The following TMEM131 variants were observed in gnomAD, a reference collection of about 807,000 sequenced individuals.
TMEM131 encodes the protein transmembrane protein 131.
TMEM131 carries 66 observed loss-of-function variants against 211.6 expected under a neutral mutation model. The observed-to-expected ratio is 0.31, with a 90% CI of 0.26 to 0.38. The LOEUF is 0.38. Among genes scored for constraint, TMEM131 ranks in the 10% least tolerant of loss-of-function variants. TMEM131 has a pLI of 1.00. For missense variants in TMEM131, 2,036 were observed against 2,299.3 expected (o/e 0.89, Z 2.34); for synonymous variants, 844 against 841.3 (o/e 1.00, Z -0.06).
chr2:97,774,341 A>G (rs1679611768), intron 32 of TMEM131, among the ~76,000 whole-genome samples: 1 of 152,274 alleles, frequency 6.6e-6, no homozygotes, highest in African/African-American at 2.4e-5. Context: ...TGGGTAGAAC[A>G]GAATTGGAGA....
At chr2:97,773,321 G>A (rs567129621) in intron 32 of TMEM131, among the ~76,000 whole-genome samples, 5 of 152,328 alleles carry the variant, frequency 3.3e-5, no homozygotes, top group Admixed American at 1.3e-4. Context: ...ATTACCAAGA[G>A]GGCCCAGTTT....
At chr2:97,907,999 T>C (rs1315113633) in intron 3 of TMEM131, among the ~76,000 whole-genome samples, 2 of 152,108 alleles carry the variant, frequency 1.3e-5, no homozygotes, top group African/African-American at 4.8e-5. Context: ...GAGGGACTGT[T>C]TTATCCAACT....
intron 8 of TMEM131, among the ~76,000 whole-genome samples, chr2:97,835,537 G>A (rs1682899102): frequency 6.6e-6 from 1 of 152,216 alleles, no homozygotes; most frequent in African/African-American, 2.4e-5. Flanking sequence ...AAAATTTTGA[G>A]GAGTAATCTC....
chr2:97,843,693 C>G (rs1453475038), intron 6 of TMEM131, among the ~76,000 whole-genome samples: 1 of 152,096 alleles, frequency 6.6e-6, no homozygotes. Context: ...GGCTGATATA[C>G]AAAAAGATTT....
intron 1 of TMEM131, among the ~76,000 whole-genome samples, chr2:97,957,717 G>A (rs1182789876): frequency 6.6e-6 from 1 of 152,148 alleles, no homozygotes; most frequent in Non-Finnish European, 1.5e-5. Context: ...GAAAACATGC[G>A]GGAAAGCTTA....
In TMEM131 at chr2:97,758,943, G is replaced by A; in HGVS notation, c.5317C>T (p.Pro1773Ser). The change falls in exon 40 of 41, where the codon CCC (proline) becomes TCC (serine). Residue 1773 changes from proline (P) to serine (S), a missense_variant. Physicochemically the swap from Pro to Ser is moderately conservative, Grantham distance 74. This residue lies in a region of TMEM131 where 1,623 missense variants were observed against 1,805.9 expected (regional missense o/e 0.90). Transcript: ENST00000186436. ...GAACTGGCTGGCCAGGAAGGACTGG[G>A]ATCTGTCGCTGGCGACTCCCAAAGG... ...SYLWESPATD[P>S]SPSWPASSGS... 6.2e-7 allele frequency: 1 copy of A among 1,614,032 alleles called. No individual in the cohort carries two copies. The highest frequency in any genetic ancestry group is 8.5e-7 in the Non-Finnish European group (1 of 1,179,884).
In TMEM131 at chr2:97,759,745, C is replaced by A. The variant is rs1413522964; in HGVS notation, c.5113G>T (p.Gly1705Cys). ...PVDSDGSDSS[G>C]LWSPVSNPSS... Reference sequence around the variant, plus strand: ...GGGTTGCTGACGGGACTCCACAAACCCGAGCTAAATGTTACAAGAGGAAAA... The same window carrying A: ...GGGTTGCTGACGGGACTCCACAAACACGAGCTAAATGTTACAAGAGGAAAA... Residue 1705 changes from glycine to cysteine, a missense_variant, in exon 39 of 41, where the codon GGT (glycine) becomes TGT (cysteine). Gly to Cys is a radical substitution (Grantham distance 159, BLOSUM62 -3). This residue lies in a region of TMEM131 where 1,623 missense variants were observed against 1,805.9 expected (regional missense o/e 0.90). Coordinates refer to ENST00000186436, the MANE Select transcript of TMEM131 (RefSeq NM_015348.2). 6.2e-7 allele frequency: 1 copy of A among 1,611,834 alleles called. No individual in the cohort carries two copies. Among genetic ancestry groups the A allele is most frequent in the Non-Finnish European group, 8.5e-7 (1 of 1,179,002 alleles).
At position 97,796,999 on chromosome 2, in the gene TMEM131, G is replaced by A. The variant is rs760427949; in HGVS notation, c.2871-13C>T. 20 of 1,600,730 alleles carry A rather than the reference G, an allele frequency of 1.2e-5. No homozygotes were observed. Among genetic ancestry groups the A allele is most frequent in the African/African-American group, 2.7e-5 (2 of 74,426 alleles). Reference sequence around the variant, plus strand: ...AGTCAGGTTATTTCTATGCAAGAATGAGAATTACAGATTTTTCTCTCATTA... The same window carrying A: ...AGTCAGGTTATTTCTATGCAAGAATAAGAATTACAGATTTTTCTCTCATTA... On this transcript the variant is annotated splice_polypyrimidine_tract_variant and intron_variant, in intron 26 of 40. Transcript: ENST00000186436.
At chr2:97,785,546 A>T (rs1489793889) in intron 31 of TMEM131, among the ~76,000 whole-genome samples, 1 of 152,240 alleles carries the variant, frequency 6.6e-6, no homozygotes, top group Non-Finnish European at 1.5e-5. Context: ...GAGAACCTGG[A>T]TCACTCCTAC....
intron 12 of TMEM131, 136 bp from the exon 13 acceptor site, chr2:97,815,443 C>T (rs370113715): frequency 1.1e-4 from 58 of 511,836 alleles, no homozygotes; most frequent in East Asian, 1.0e-3. Flanking sequence ...CTTTTTATAA[C>T]ATTTTAAATG....
intron 1 of TMEM131, among the ~76,000 whole-genome samples, chr2:97,941,219 G>T (rs554035078): frequency 6.6e-6 from 1 of 152,252 alleles, no homozygotes; most frequent in South Asian, 2.1e-4. Context: ...AACAAGAAAT[G>T]GGGAAAGGAT....
chr2:97,772,677 C>A (rs1679524324), intron 32 of TMEM131, among the ~76,000 whole-genome samples: 1 of 152,180 alleles, frequency 6.6e-6, no homozygotes, highest in Non-Finnish European at 1.5e-5. Flanking sequence ...AGGTGGATTG[C>A]CTGAGCTCAG....
chr2:97,794,862 C>G, intron 29 of TMEM131, 68 bp downstream of exon 29: 1 of 1,345,916 alleles, frequency 7.4e-7, no homozygotes, highest in Non-Finnish European at 1.0e-6. Flanking sequence ...GTGGCTGGCA[C>G]ACAGTGGGCA....
intron 4 of TMEM131, among the ~76,000 whole-genome samples, chr2:97,885,194 T>C (rs1391779002): frequency 1.3e-5 from 2 of 152,204 alleles, no homozygotes; most frequent in South Asian, 2.1e-4. Context: ...TTTCTCCTTG[T>C]TTGTGAAAGA....
chr2:97,773,177 C>T (rs184192420), intron 32 of TMEM131, among the ~76,000 whole-genome samples: 2 of 152,330 alleles, frequency 1.3e-5, no homozygotes, highest in African/African-American at 2.4e-5. Flanking sequence ...GGGCCATGCT[C>T]GCCTGCCTGC....
At chr2:97,884,513 T>G (rs1009004102) in intron 4 of TMEM131, among the ~76,000 whole-genome samples, 2 of 152,182 alleles carry the variant, frequency 1.3e-5, no homozygotes, top group African/African-American at 2.4e-5. Flanking sequence ...ATGCTGAGAG[T>G]GGACTGCTGA....
At chr2:97,907,226 A>C (rs562321978) in intron 3 of TMEM131, 1 of 152,340 alleles carries the variant, frequency 6.6e-6, no homozygotes, top group South Asian at 2.1e-4. Context: ...TGCCAGTGTT[A>C]AATATTTGGG....
intron 1 of TMEM131, among the ~76,000 whole-genome samples, chr2:97,941,715 C>A (rs1490231609): frequency 6.6e-6 from 1 of 152,154 alleles, no homozygotes; most frequent in Non-Finnish European, 1.5e-5. Context: ...CCAACAGATA[C>A]ATGAAAAAAT....
chr2:97,974,210 A>T (rs931159844), intron 1 of TMEM131, among the ~76,000 whole-genome samples: 1 of 152,220 alleles, frequency 6.6e-6, no homozygotes, highest in Non-Finnish European at 1.5e-5. Context: ...AAAAAATGTG[A>T]TGGATGGGAT....
Sources: allele counts gnomAD v4.1 joint callset (sites outside exome capture counted in the v4.1 genomes callset), GRCh38; gene constraint gnomAD v4.1.1; regional missense constraint gnomAD v4.1.1; transcripts MANE v1.5; gene names NCBI Gene and HGNC (gene_info 2026-07-23, HGNC 2026-07-21).